The following ANTXR2 variants were observed in gnomAD, a reference collection of about 807,000 sequenced individuals.
The protein encoded by ANTXR2 is ANTXR cell adhesion molecule 2.
In ANTXR2, 44 loss-of-function variants were observed where a neutral mutation model predicts 73.7. The ratio of observed to expected loss-of-function variants is 0.60; its 90% confidence interval spans 0.47 to 0.77. The LOEUF (loss-of-function observed/expected upper bound fraction) is 0.77. Among genes scored for constraint, ANTXR2 ranks in the 30% least tolerant of loss-of-function variants. ANTXR2 has a pLI of 0.00. For missense variants in ANTXR2, 604 were observed against 592.5 expected (o/e 1.02, Z -0.20); for synonymous variants, 217 against 205.9 (o/e 1.05, Z -0.46).
intron 12 of ANTXR2, among the ~76,000 whole-genome samples, chr4:79,997,131 G>A (rs986453939): frequency 5.3e-5 from 8 of 151,704 alleles, no homozygotes; most frequent in African/African-American, 1.7e-4. Context: ...CTTTTCAAAT[G>A]TTCAAGTGAT....
At chr4:79,979,147 C>T (rs1321991236) in intron 14 of ANTXR2, among the ~76,000 whole-genome samples, 1 of 151,986 alleles carries the variant, frequency 6.6e-6, no homozygotes, top group Non-Finnish European at 1.5e-5. Flanking sequence ...TTTCAATAGA[C>T]AGAAATTAAG....
intron 12 of ANTXR2, among the ~76,000 whole-genome samples, chr4:79,991,588 A>G (rs2110031354): frequency 6.6e-6 from 1 of 152,254 alleles, no homozygotes; most frequent in Non-Finnish European, 1.5e-5. Context: ...TTAATCCAGC[A>G]ATCCCATTAT....
chr4:80,020,514 G>A (rs552020619), intron 10 of ANTXR2, among the ~76,000 whole-genome samples: 2 of 152,288 alleles, frequency 1.3e-5, no homozygotes, highest in East Asian at 3.9e-4. Flanking sequence ...CATTTTATGG[G>A]CATTATCTAT....
rs1726698132 is a variant in ANTXR2, at chr4:79,901,452, C to T, written c.*5977G>A. ...TTGGCATCTAAATTGTTTAAAATCA[C>T]CTTGCCTTTTAGTTCATGGAGACAA... On this transcript the variant is annotated 3_prime_UTR_variant, in exon 17 of 17. Transcript: ENST00000403729. 1 of 151,756 alleles carries T rather than the reference C, an allele frequency of 6.6e-6. No homozygotes were observed. Among genetic ancestry groups the T allele is most frequent in the South Asian group, 2.1e-4 (1 of 4,790 alleles). The allele number at this position is 151,756 out of a possible 1,614,324, so 9.4% of individuals were successfully genotyped here.
At chr4:79,983,843 G>A (rs1253282830) in intron 14 of ANTXR2, 35 bp downstream of exon 14, 2 of 1,483,952 alleles carry the variant, frequency 1.3e-6, no homozygotes, top group Admixed American at 1.7e-5. Flanking sequence ...ACATACTCCA[G>A]ATTAGCAGCT....
chr4:80,002,092 G>A (rs574794186), intron 12 of ANTXR2, among the ~76,000 whole-genome samples: 23 of 152,130 alleles, frequency 1.5e-4, no homozygotes, highest in South Asian at 1.0e-3. Flanking sequence ...AAAAGAGCCC[G>A]CATCACCAAG....
At chr4:80,061,446 T>C (rs562420852) in intron 3 of ANTXR2, among the ~76,000 whole-genome samples, 32 of 152,276 alleles carry the variant, frequency 2.1e-4, no homozygotes, top group African/African-American at 7.7e-4. Flanking sequence ...TAAATTATTT[T>C]CTTTACTCTC....
At chr4:79,953,732 T>C (rs917162417) in intron 16 of ANTXR2, among the ~76,000 whole-genome samples, 1 of 152,120 alleles carries the variant, frequency 6.6e-6, no homozygotes, top group East Asian at 1.9e-4. Context: ...TTTATAATTA[T>C]TCTTAAGTTT....
At chr4:79,932,912 C>A (rs192492314) in intron 16 of ANTXR2, among the ~76,000 whole-genome samples, 6 of 151,752 alleles carry the variant, frequency 4.0e-5, no homozygotes, top group Admixed American at 2.0e-4. Flanking sequence ...GATTCCCTTG[C>A]ATAATTATTT....
chr4:79,995,010 A>C (rs1006216254), intron 12 of ANTXR2, among the ~76,000 whole-genome samples: 1 of 151,838 alleles, frequency 6.6e-6, no homozygotes, highest in Non-Finnish European at 1.5e-5. Flanking sequence ...CCCCAAATAC[A>C]ATGATCATTT....
At chr4:79,992,561 A>AT (rs1730524478) in intron 12 of ANTXR2, among the ~76,000 whole-genome samples, 1 of 151,936 alleles carries the variant, frequency 6.6e-6, no homozygotes, top group Non-Finnish European at 1.5e-5. Flanking sequence ...AAACTTTATG[A>AT]TTTTTTATAA....
intron 3 of ANTXR2, among the ~76,000 whole-genome samples, chr4:80,063,344 AATGGTTGAAT>A (rs1444421037): frequency 6.6e-6 from 1 of 152,180 alleles, no homozygotes; most frequent in Admixed American, 6.5e-5. Context: ...TCTCCATAGT[AATGGTTGAAT>A]ATGCTCTATT....
At chr4:79,956,977 A>G (rs1728911225) in intron 16 of ANTXR2, among the ~76,000 whole-genome samples, 1 of 152,140 alleles carries the variant, frequency 6.6e-6, no homozygotes, top group Admixed American at 6.6e-5. Flanking sequence ...TCTTTCACCT[A>G]AGAATCCACT....
At chr4:80,071,776 G>C in intron 1 of ANTXR2, 122 bp from the exon 2 acceptor site, 1 of 750,038 alleles carries the variant, frequency 1.3e-6, no homozygotes, top group Non-Finnish European at 2.2e-6. Flanking sequence ...TTCAAGCTAA[G>C]TAAGGGTATC....
At chr4:80,029,208 C>A (rs950147483) in intron 10 of ANTXR2, among the ~76,000 whole-genome samples, 2 of 152,058 alleles carry the variant, frequency 1.3e-5, no homozygotes, top group African/African-American at 4.8e-5. Flanking sequence ...GAAGACTGTG[C>A]CCAAAGGCAA....
At chr4:80,018,751 T>C (rs1732001364) in intron 11 of ANTXR2, 147 bp downstream of exon 11, 1 of 639,386 alleles carries the variant, frequency 1.6e-6, no homozygotes, top group Admixed American at 4.1e-5. Context: ...CCAAAACGAA[T>C]TCTATACAAA....
chr4:79,982,489 GT>G (rs1221081474), intron 14 of ANTXR2, among the ~76,000 whole-genome samples: 1 of 152,096 alleles, frequency 6.6e-6, no homozygotes, highest in Non-Finnish European at 1.5e-5. Context: ...CGAAGTGTAT[GT>G]TTTATACATA....
intron 10 of ANTXR2, among the ~76,000 whole-genome samples, chr4:80,025,919 A>C (rs11935718): frequency 6.6e-6 from 1 of 152,116 alleles, no homozygotes; most frequent in African/African-American, 2.4e-5. Context: ...TGGACATCAC[A>C]GGAAAGCTGT....
chr4:79,989,975 AT>A (rs147381737), intron 12 of ANTXR2, among the ~76,000 whole-genome samples: 16,379 of 152,002 alleles, frequency 0.11, 1,044 homozygotes, highest in Middle Eastern at 0.25. Flanking sequence ...ATCAAAAAAA[AT>A]ATCTCAAAAT....
Sources: allele counts gnomAD v4.1 joint callset (sites outside exome capture counted in the v4.1 genomes callset), GRCh38; gene constraint gnomAD v4.1.1; transcripts MANE v1.5; gene names NCBI Gene and HGNC (gene_info 2026-07-23, HGNC 2026-07-21).